The following ACYP2 variants were observed in gnomAD, a reference collection of about 807,000 sequenced individuals.
The protein encoded by ACYP2 is acylphosphatase 2.
ACYP2 carries 12 observed loss-of-function variants against 11.2 expected under a neutral mutation model. That is an observed-to-expected ratio of 1.08 (90% CI 0.69 to 1.74). The LOEUF (loss-of-function observed/expected upper bound fraction) is 1.74. Ranked by LOEUF, ACYP2 falls within the 40% of genes most tolerant of loss-of-function variation. The pLI is 0.00. For missense variants in ACYP2, 134 were observed against 101.9 expected, an observed-to-expected ratio of 1.31 and a Z score of -1.35; for synonymous variants, 43 against 32.2, an observed-to-expected ratio of 1.33 and a Z score of -1.13.
At chr2:54,112,085 A>C (rs1679490064) in intron 4 of ACYP2, among the ~76,000 whole-genome samples, 1 of 152,132 alleles carries the variant, frequency 6.6e-6, no homozygotes, top group East Asian at 1.9e-4. Context: ...CACACATGTA[A>C]ATGTGTATTA....
At chr2:54,008,155 C>G (rs528866789) in intron 2 of ACYP2, among the ~76,000 whole-genome samples, 1 of 152,232 alleles carries the variant, frequency 6.6e-6, no homozygotes, top group African/African-American at 2.4e-5. Context: ...CTACCATGTG[C>G]TCTGAGGCTT....
rs117207970 is a variant in ACYP2, at chr2:54,246,377, G to A, written c.405-58311G>A. On this transcript the variant is annotated intron_variant, in intron 6 of 6. Transcript: ENST00000607452. Reference sequence around the variant, plus strand: ...TTGAGTCTTCCTATCTAACTAACTTGGTATGTCTTCCCCTTTGTACAAGTC... The same window carrying A: ...TTGAGTCTTCCTATCTAACTAACTTAGTATGTCTTCCCCTTTGTACAAGTC... 3.3e-5 allele frequency among the ~76,000 whole-genome samples: 5 copies of A among 152,054 alleles called. No homozygotes were observed. The East Asian group carries it at 9.7e-4, about 29-fold the overall frequency.
chr2:54,304,812 A>T lies in ACYP2; in HGVS notation c.*10A>T, dbSNP rs769383963. On this transcript the variant is annotated 3_prime_UTR_variant, in exon 7 of 7. Coordinates refer to ENST00000607452, the MANE Select transcript of ACYP2 (RefSeq NM_001320586.2). ...TAGTATTAGATACTAATAGAAGAGAAAAATTGTAACACACTGAACAATAGA... is the reference window on the plus strand; with the variant it reads ...TAGTATTAGATACTAATAGAAGAGATAAATTGTAACACACTGAACAATAGA... 2 of 1,474,828 alleles carry T rather than the reference A, an allele frequency of 1.4e-6. No homozygotes were observed. Among genetic ancestry groups the T allele is most frequent in the Non-Finnish European group, 1.9e-6 (2 of 1,058,540 alleles). 91.4% of individuals were successfully genotyped at this position (1,474,828 alleles called of 1,614,324 possible).
At chr2:54,165,531 T>TCACACACACA (rs1381014533) in intron 6 of ACYP2, among the ~76,000 whole-genome samples, 15 of 119,564 alleles carry the variant, frequency 1.3e-4, no homozygotes, top group African/African-American at 4.0e-4. Flanking sequence ...TCTCTCTCTC[T>TCACACACACA]CTCTCACACA....
At chr2:54,099,308 T>G (rs1282090547) in intron 4 of ACYP2, among the ~76,000 whole-genome samples, 1 of 152,228 alleles carries the variant, frequency 6.6e-6, no homozygotes, top group African/African-American at 2.4e-5. Context: ...ATCTACTCTC[T>G]TAGCAATTTT....
At chr2:54,027,411 C>G (rs1042951785) in intron 2 of ACYP2, among the ~76,000 whole-genome samples, 1 of 152,098 alleles carries the variant, frequency 6.6e-6, no homozygotes, top group African/African-American at 2.4e-5. Flanking sequence ...AACAGGGATG[C>G]CAAGAAGAAA....
chr2:54,006,122 T>C (rs1673051152), intron 2 of ACYP2, among the ~76,000 whole-genome samples: 1 of 152,130 alleles, frequency 6.6e-6, no homozygotes, highest in African/African-American at 2.4e-5. Flanking sequence ...TAGCTGGGAC[T>C]ACAGGTATGC....
intron 6 of ACYP2, among the ~76,000 whole-genome samples, chr2:54,283,372 A>G (rs973079849): frequency 4.6e-5 from 7 of 152,348 alleles, no homozygotes; most frequent in Admixed American, 3.3e-4. Context: ...AGAGATGGGT[A>G]GACGTGAGCC....
At chr2:53,991,279 C>A (rs958169306) in intron 2 of ACYP2, among the ~76,000 whole-genome samples, 2 of 152,066 alleles carry the variant, frequency 1.3e-5, no homozygotes, top group African/African-American at 4.8e-5. Context: ...TTGGTTGTTC[C>A]CAGTTTCTGG....
At chr2:54,234,409 A>C (rs140292269) in intron 6 of ACYP2, among the ~76,000 whole-genome samples, 3 of 152,176 alleles carry the variant, frequency 2.0e-5, no homozygotes, top group African/African-American at 7.2e-5. Context: ...CTTCATGATC[A>C]TACTGGTAAA....
chr2:54,160,433 T>TA (rs1379327706), intron 6 of ACYP2, among the ~76,000 whole-genome samples: 1 of 152,190 alleles, frequency 6.6e-6, no homozygotes, highest in Non-Finnish European at 1.5e-5. Flanking sequence ...GGAGAGGTAT[T>TA]AAGACTAGTG....
intron 4 of ACYP2, among the ~76,000 whole-genome samples, chr2:54,122,144 A>T (rs1171084482): frequency 2.6e-5 from 4 of 152,230 alleles, no homozygotes; most frequent in African/African-American, 9.7e-5. Context: ...CACTTCCTGC[A>T]TTCAAAATTG....
intron 4 of ACYP2, among the ~76,000 whole-genome samples, chr2:54,131,519 G>A (rs920894126): frequency 4.6e-5 from 7 of 152,174 alleles, no homozygotes; most frequent in African/African-American, 1.7e-4. Context: ...TGCCTAGGCT[G>A]TGCCAATGTC....
chr2:54,176,049 A>G (rs1038868066), intron 6 of ACYP2, among the ~76,000 whole-genome samples: 5 of 152,164 alleles, frequency 3.3e-5, no homozygotes, highest in Non-Finnish European at 7.3e-5. Context: ...CACTGAATCT[A>G]TTGGTGCCTC....
At chr2:54,248,478 C>A (rs1384190200) in intron 6 of ACYP2, among the ~76,000 whole-genome samples, 1 of 151,920 alleles carries the variant, frequency 6.6e-6, no homozygotes, top group East Asian at 1.9e-4. Flanking sequence ...AAAAGATAGC[C>A]CCCTACTCTG....
chr2:54,215,505 T>A (rs746156623), intron 6 of ACYP2, among the ~76,000 whole-genome samples: 3 of 152,200 alleles, frequency 2.0e-5, no homozygotes, highest in Non-Finnish European at 4.4e-5. Context: ...AAGTAATACA[T>A]GTTTACTTTT....
chr2:54,096,820 G>A (rs953540023), intron 4 of ACYP2, among the ~76,000 whole-genome samples: 6 of 63,312 alleles, frequency 9.5e-5, no homozygotes, highest in African/African-American at 2.0e-4. Context: ...GAGGGAGACC[G>A]TGGAAAGAGA....
intron 6 of ACYP2, among the ~76,000 whole-genome samples, chr2:54,161,046 G>C (rs1682687713): frequency 6.6e-6 from 1 of 152,102 alleles, no homozygotes; most frequent in African/African-American, 2.4e-5. Context: ...TAAATTCTTG[G>C]GGTCCACATT....
intron 4 of ACYP2, among the ~76,000 whole-genome samples, chr2:54,131,450 A>G (rs542002987): frequency 1.3e-5 from 2 of 152,218 alleles, no homozygotes; most frequent in Non-Finnish European, 2.9e-5. Context: ...CTCTTTGGGC[A>G]GCTCCAGTAT....
Sources: gnomAD v4.1 joint callset for allele counts (sites outside exome capture counted in the v4.1 genomes callset) on GRCh38, gnomAD v4.1.1 for gene constraint, MANE v1.5 for transcripts, NCBI Gene and HGNC (gene_info 2026-07-23, HGNC 2026-07-21) for gene names.